Variants in PCDHGB1 observed in about 807,000 individuals in gnomAD.
PCDHGB1 encodes the protein protocadherin gamma-B1.
In PCDHGB1, 34 loss-of-function variants were observed where a neutral mutation model predicts 56.6. That is an observed-to-expected ratio of 0.60 (90% CI 0.46 to 0.80). The LOEUF (loss-of-function observed/expected upper bound fraction) is 0.80. PCDHGB1 is among the 30% of genes least tolerant of loss of function. The probability of loss-of-function intolerance (pLI) is 0.00; values close to 1 mark genes in which losing one functional copy is unlikely to be tolerated. For missense variants in PCDHGB1, 1,278 were observed against 1,204.6 expected (o/e 1.06, Z -0.90); for synonymous variants, 561 against 505.9 (o/e 1.11, Z -1.46).
rs755163825 is a variant in PCDHGB1, at chr5:141,491,048, C to A, written c.2410-3759C>A. 6.2e-6 allele frequency: 10 copies of A among 1,613,948 alleles called. No individual in the cohort carries two copies. Among genetic ancestry groups the A allele is most frequent in the Non-Finnish European group, 7.6e-6 (9 of 1,179,960 alleles). ...GTGGATGCTGATGCAGGCCACAATG[C>A]GTGGCTCTCCTACTCACTGTTGCCA... On this transcript the variant is annotated intron_variant, in intron 1 of 3. Coordinates refer to ENST00000523390, the MANE Select transcript of PCDHGB1 (RefSeq NM_018922.3). The surrounding 1 kb of genome is among the most constrained non-coding windows in gnomAD (Gnocchi z 6.9).
chr5:141,370,840 G>T (rs762166631), intron 1 of PCDHGB1: 1 of 1,614,022 alleles, frequency 6.2e-7, no homozygotes, highest in South Asian at 1.1e-5. Flanking sequence ...GCTCTCACTG[G>T]AGCCACATTT....
At chr5:141,400,511 C>T (rs1456963604) in intron 1 of PCDHGB1, 2 of 1,613,824 alleles carry the variant, frequency 1.2e-6, no homozygotes, top group Admixed American at 3.3e-5. Flanking sequence ...GAGTCGACTT[C>T]CCATCCTGAG....
In PCDHGB1 at chr5:141,351,898, G is replaced by C; in HGVS notation, c.1638G>C (p.Val546=). The change falls in exon 1 of 4, where the codon GTG becomes GTC. Residue 546 remains valine, a synonymous_variant. Coordinates refer to ENST00000523390, the MANE Select transcript of PCDHGB1 (RefSeq NM_018922.3). The part of the protein sequence containing the change: ...PALSANVSLR[V]LVGDLNDNAP... ...TCAGCGCCAACGTGAGCCTGCGCGT[G>C]TTGGTGGGCGACCTCAATGACAATG... is the stretch of plus-strand genomic sequence containing the variant. 6.2e-7 allele frequency: 1 copy of C among 1,613,440 alleles called. No individual in the cohort carries two copies. The highest frequency in any genetic ancestry group is 1.7e-5 in the Admixed American group (1 of 60,016).
intron 1 of PCDHGB1, chr5:141,414,421 A>C (rs1250470349): frequency 6.2e-7 from 1 of 1,613,894 alleles, no homozygotes; most frequent in East Asian, 2.2e-5. Context: ...AGCCCTTGAC[A>C]GGGAACAGGT....
intron 1 of PCDHGB1, chr5:141,403,588 C>CGGTG (rs773103981): frequency 1.2e-6 from 2 of 1,613,904 alleles, no homozygotes; most frequent in East Asian, 2.2e-5. Flanking sequence ...ACCTGGTCCT[C>CGGTG]ACGGCCTCGG....
chr5:141,455,159 G>GTT (rs1390145608), intron 1 of PCDHGB1, among the ~76,000 whole-genome samples: 4 of 144,860 alleles, frequency 2.8e-5, no homozygotes, highest in African/African-American at 7.8e-5. Context: ...TTAGTTTGTT[G>GTT]GTTTTTTTTT....
At chr5:141,428,613 CAAGAT>C (rs1385471747) in intron 1 of PCDHGB1, 1 of 212,608 alleles carries the variant, frequency 4.7e-6, no homozygotes, top group African/African-American at 2.3e-5. Flanking sequence ...AAGAGAATAA[CAAGAT>C]AAGCTCTAAC....
intron 1 of PCDHGB1, among the ~76,000 whole-genome samples, chr5:141,460,961 A>ATATGTGTGTGTG (rs1463306338): frequency 4.1e-5 from 6 of 144,616 alleles, no homozygotes; most frequent in Admixed American, 1.4e-4. Flanking sequence ...GTATATATAT[A>ATATGTGTGTGTG]TGTGTGTGTG....
chr5:141,403,582 G>A (rs973617374), intron 1 of PCDHGB1: 1 of 1,613,910 alleles, frequency 6.2e-7, no homozygotes, highest in Non-Finnish European at 8.5e-7. Flanking sequence ...CCCACCACCT[G>A]GTCCTCACGG....
At chr5:141,366,522 G>C (rs1159035033) in intron 1 of PCDHGB1, 2 of 1,614,158 alleles carry the variant, frequency 1.2e-6, no homozygotes, top group Non-Finnish European at 1.7e-6. Context: ...GAAGGCAGCA[G>C]GTTGGCGGGT....
intron 1 of PCDHGB1, chr5:141,419,506 C>A (rs527369615): frequency 6.2e-6 from 10 of 1,612,352 alleles, no homozygotes; most frequent in Middle Eastern, 1.7e-4. Context: ...TGAGCCTGCG[C>A]GTGTTGGTGG....
intron 2 of PCDHGB1, among the ~76,000 whole-genome samples, chr5:141,497,539 C>A (rs2099777336): frequency 6.9e-6 from 1 of 145,274 alleles, no homozygotes; most frequent in African/African-American, 2.6e-5. Context: ...ATGCAACAAA[C>A]CTTTTTTTTT....
intron 1 of PCDHGB1, among the ~76,000 whole-genome samples, chr5:141,445,490 C>T (rs1181158971): frequency 6.6e-6 from 1 of 152,134 alleles, no homozygotes; most frequent in Non-Finnish European, 1.5e-5. Flanking sequence ...AGTTAATGGG[C>T]CCTATTCTAA....
intron 1 of PCDHGB1, chr5:141,427,786 C>G: frequency 1.4e-6 from 2 of 1,477,082 alleles, no homozygotes; most frequent in Non-Finnish European, 1.9e-6. Flanking sequence ...GCACTGTCGT[C>G]CTACGTGTCC....
Position 141,476,472 on chromosome 5 carries a change from T to C in PCDHGB1, c.2410-18335T>C. On this transcript the variant is annotated intron_variant, in intron 1 of 3. Coordinates refer to ENST00000523390, the MANE Select transcript of PCDHGB1 (RefSeq NM_018922.3). The surrounding 1 kb of genome is among the most constrained non-coding windows in gnomAD (Gnocchi z 7.6). The stretch of plus-strand genomic sequence containing the variant: ...GTAGTGGAGAACCCGCTGGAGCTGT[T>C]CAGCGTGGAAGTGGTGATCCAGGAC... 1 of 1,614,098 alleles carries C rather than the reference T, an allele frequency of 6.2e-7. No homozygotes were observed. The highest frequency in any genetic ancestry group is 8.5e-7 in the Non-Finnish European group (1 of 1,180,024).
At chr5:141,413,222 G>T in intron 1 of PCDHGB1, 1 of 1,613,796 alleles carries the variant, frequency 6.2e-7, no homozygotes, top group Admixed American at 1.7e-5. Flanking sequence ...GATTGCAGCG[G>T]GCTGGTCCTG....
At chr5:141,374,040 T>C (rs749671725) in intron 1 of PCDHGB1, 1 of 1,458,040 alleles carries the variant, frequency 6.9e-7, no homozygotes, top group Admixed American at 2.7e-5. Flanking sequence ...TGCAGATCTG[T>C]TCTTCCTCTT....
At chr5:141,374,602 T>G in intron 1 of PCDHGB1, 1 of 1,613,652 alleles carries the variant, frequency 6.2e-7, no homozygotes, top group Non-Finnish European at 8.5e-7. Flanking sequence ...TTAAGCTCAG[T>G]GGTAATAGTC....
chr5:141,371,887 C>G (rs372336757), intron 1 of PCDHGB1: 41 of 1,613,306 alleles, frequency 2.5e-5, no homozygotes, highest in Non-Finnish European at 3.4e-5. Context: ...GACCTGGAGC[C>G]GCGGGAGCTG....
Sources: gnomAD v4.1 joint callset for allele counts (sites outside exome capture counted in the v4.1 genomes callset) on GRCh38, gnomAD v4.1.1 for gene constraint, Gnocchi (gnomAD v3.1) non-coding constraint, MANE v1.5 for transcripts, NCBI Gene and HGNC (gene_info 2026-07-23, HGNC 2026-07-21) for gene names.